EXT2: variants seen among roughly 807,000 people sequenced by gnomAD.
EXT2 encodes exostosin-2.
In EXT2, 53 loss-of-function variants were observed where a neutral mutation model predicts 81.6. The observed-to-expected ratio is 0.65, with a 90% confidence interval of 0.52 to 0.82. The LOEUF is 0.82. Ranked by LOEUF, EXT2 falls within the 40% of genes least tolerant of loss-of-function variation. The pLI, the probability that EXT2 is intolerant of heterozygous loss-of-function variation, is 0.00. For synonymous variants in EXT2, 320 were observed against 340.0 expected (o/e 0.94, Z 0.65); for missense variants, 774 against 910.2 (o/e 0.85, Z 1.93).
rs570779032 is a variant in EXT2 at position 44,124,186 on chromosome 11, C to G, written c.744-603C>G. 5.4e-4 allele frequency among the ~76,000 whole-genome samples: 82 copies of G among 152,250 alleles called. 1 individual carries two copies. Among genetic ancestry groups the G allele is most frequent in the African/African-American group, 1.9e-3 (80 of 41,538 alleles). ...TTTTCTACTTCTTGTTTTCAACTAC[C>G]AATTCGGTCTCCCTCCCATTTATGT... On this transcript the variant is annotated intron_variant, in intron 4 of 13. Coordinates refer to ENST00000533608, the MANE Select transcript of EXT2 (RefSeq NM_207122.2).
At chr11:44,190,749 G>A (rs990260649) in intron 8 of EXT2, among the ~76,000 whole-genome samples, 6 of 152,242 alleles carry the variant, frequency 3.9e-5, no homozygotes, top group Non-Finnish European at 8.8e-5. Flanking sequence ...AATCCGAGTA[G>A]CATCAGCAAG....
At position 44,124,772 on chromosome 11, in the gene EXT2, GT is replaced by G. The variant is rs1486818211; in HGVS notation, c.744-10del. 4 of 1,613,504 alleles carry G rather than the reference GT, an allele frequency of 2.5e-6. No individual in the cohort carries two copies. The highest frequency in any genetic ancestry group is 3.4e-6 in the Non-Finnish European group (4 of 1,179,642). On this transcript the variant is annotated splice_polypyrimidine_tract_variant and intron_variant, in intron 4 of 13. Transcript: ENST00000533608. ...ACCAGCTGCAATTTTCCAATCACCT[GT>G]TTTTTTCCCTTGTAGTCCACGGCAA...
At chr11:44,146,816 C>T (rs1366785439) in intron 7 of EXT2, among the ~76,000 whole-genome samples, 2 of 152,000 alleles carry the variant, frequency 1.3e-5, no homozygotes, top group Non-Finnish European at 2.9e-5. Flanking sequence ...TGTTTTAATT[C>T]CAGAAGGGGA....
At chr11:44,233,606 G>C (rs113481560) in intron 11 of EXT2, among the ~76,000 whole-genome samples, 2 of 152,206 alleles carry the variant, frequency 1.3e-5, no homozygotes, top group East Asian at 3.9e-4. Context: ...AACTGATGTC[G>C]GGAGAAAGGT....
At position 44,174,556 on chromosome 11, in the gene EXT2, G is replaced by A. The variant is rs149097565; in HGVS notation, c.1305+2814G>A. Among the ~76,000 whole-genome samples, 355 of 152,028 alleles carry A rather than the reference G, an allele frequency of 2.3e-3. 8 individuals are homozygous for A. The East Asian group carries it at 0.046, about 20-fold the overall frequency. On this transcript the variant is annotated intron_variant, in intron 8 of 13. Coordinates refer to ENST00000533608, the MANE Select transcript of EXT2 (RefSeq NM_207122.2). ...CTTAACTGGTTACCATTTGTGTACA[G>A]ACACATTTTGACTTTTGTAAATTAA...
At chr11:44,238,828 G>C (rs930860214) in intron 13 of EXT2, among the ~76,000 whole-genome samples, 2 of 152,196 alleles carry the variant, frequency 1.3e-5, no homozygotes, top group Admixed American at 6.5e-5. Flanking sequence ...AGTTCAACAA[G>C]AAGAAGCCCA....
At chr11:44,208,211 T>G (rs1328152552) in intron 10 of EXT2, among the ~76,000 whole-genome samples, 1 of 152,096 alleles carries the variant, frequency 6.6e-6, no homozygotes, top group Non-Finnish European at 1.5e-5. Flanking sequence ...TTTTTTTTTT[T>G]GCGAGTGATT....
intron 8 of EXT2, among the ~76,000 whole-genome samples, chr11:44,178,745 C>G (rs188343163): frequency 4.6e-5 from 7 of 152,076 alleles, no homozygotes; most frequent in Admixed American, 1.3e-4. Flanking sequence ...CCCTGCCCCC[C>G]AGGAGGCCTT....
chr11:44,182,977 C>G (rs1955257475), intron 8 of EXT2, among the ~76,000 whole-genome samples: 1 of 152,128 alleles, frequency 6.6e-6, no homozygotes, highest in Admixed American at 6.5e-5. Context: ...ACATGTATTT[C>G]TGTAAGACGT....
intron 10 of EXT2, among the ~76,000 whole-genome samples, chr11:44,214,660 CTT>C (rs964397488): frequency 3.3e-5 from 5 of 151,848 alleles, no homozygotes; most frequent in African/African-American, 1.2e-4. Context: ...ATGATGTACT[CTT>C]TTTCATTCCT....
Position 44,171,719 on chromosome 11 carries a change from G to A in EXT2, c.1282G>A (p.Glu428Lys). 6.2e-7 allele frequency: 1 copy of A among 1,614,034 alleles called. No homozygotes were observed. The highest frequency in any genetic ancestry group is 8.5e-7 in the Non-Finnish European group (1 of 1,179,934). Residue 428 changes from glutamate to lysine, a missense_variant, in exon 8 of 14, where the codon GAA becomes AAA. Physicochemically the swap from Glu to Lys is moderately conservative, Grantham distance 56. Coordinates refer to ENST00000533608, the MANE Select transcript of EXT2 (RefSeq NM_207122.2). ...IYPYAAISYE[E>K]WNDPPAVKWG... ...TCCATATGCTGCCATCTCCTATGAA[G>A]AATGGAATGACCCTCCTGCTGTGGT...
intron 8 of EXT2, among the ~76,000 whole-genome samples, chr11:44,184,989 A>G (rs565549779): frequency 2.0e-5 from 3 of 152,230 alleles, no homozygotes; most frequent in Non-Finnish European, 2.9e-5. Context: ...GAAAGAAAAA[A>G]TTCCCCAGGA....
intron 7 of EXT2, among the ~76,000 whole-genome samples, chr11:44,132,854 C>T (rs1286316147): frequency 1.3e-5 from 2 of 152,230 alleles, no homozygotes; most frequent in African/African-American, 4.8e-5. Context: ...TAGTCCCACT[C>T]CCCTTTCTCT....
chr11:44,098,076 C>T (rs983623493), intron 1 of EXT2, among the ~76,000 whole-genome samples: 3 of 152,066 alleles, frequency 2.0e-5, no homozygotes, highest in African/African-American at 7.3e-5. Context: ...GGCTGAAATT[C>T]TTGTTTTGAT....
rs2134984742 is a variant in EXT2 at position 44,114,231 on chromosome 11, G to A, written c.673G>A (p.Gly225Ser). The change falls in exon 4 of 14, where the codon GGC becomes AGC. Residue 225 changes from glycine to serine, a missense_variant. Gly to Ser is a moderately conservative substitution (Grantham distance 56). Around this residue, in one of 2 missense-constraint regions of EXT2, gnomAD observed 626 missense variants for 670.5 expected, o/e 0.93. Coordinates refer to ENST00000533608, the MANE Select transcript of EXT2 (RefSeq NM_207122.2). ...CTTTTCTACGTGGACTTACCGGCAA[G>A]GCTACGATGTCAGCATTCCTGTCTA... ...GGFSTWTYRQ[G>S]YDVSIPVYSP... The A allele has an allele frequency of 6.2e-7, 1 of 1,614,116 alleles. No homozygotes were observed. The highest frequency in any genetic ancestry group is 8.5e-7 in the Non-Finnish European group (1 of 1,180,006).
chr11:44,115,138 G>A (rs1240515963), intron 4 of EXT2, among the ~76,000 whole-genome samples: 5 of 152,194 alleles, frequency 3.3e-5, no homozygotes, highest in Non-Finnish European at 7.3e-5. Context: ...GATGCCCATC[G>A]TGATGACTTG....
chr11:44,143,422 G>C (rs1054659738), intron 7 of EXT2, among the ~76,000 whole-genome samples: 1 of 152,180 alleles, frequency 6.6e-6, no homozygotes, highest in Non-Finnish European at 1.5e-5. Context: ...TTTCTGGGCT[G>C]GGGGCTTGGG....
chr11:44,154,460 G>T (rs1954833111), intron 7 of EXT2, among the ~76,000 whole-genome samples: 1 of 152,118 alleles, frequency 6.6e-6, no homozygotes. Context: ...TGTTGCAAAT[G>T]ACAGGATCTC....
Position 44,216,025 on chromosome 11 carries a change from C to T in EXT2, c.1662+9066C>T, listed in dbSNP as rs548183000. Among the ~76,000 whole-genome samples the T allele has an allele frequency of 7.2e-5, 11 of 152,034 alleles. No individual in the cohort carries two copies. In the South Asian group the frequency reaches 2.3e-3, roughly 32 times the overall value. On this transcript the variant is annotated intron_variant, in intron 10 of 13. Transcript: ENST00000533608. ...CCGAGTAGCTGGGACTACAGGCGCC[C>T]GCCACCGCGCCCGGCTAATTTTTTG... is the stretch of plus-strand genomic sequence containing the variant.
Sources: gnomAD v4.1 joint callset for allele counts (sites outside exome capture counted in the v4.1 genomes callset) on GRCh38, gnomAD v4.1.1 for gene constraint, gnomAD v4.1.1 regional missense constraint, MANE v1.5 for transcripts, NCBI Gene and HGNC (gene_info 2026-07-23, HGNC 2026-07-21) for gene names.